ZNF143: variants seen among roughly 807,000 people sequenced by gnomAD.
The protein encoded by ZNF143 is SPH-binding factor.
In ZNF143, 49 loss-of-function variants were observed where a neutral mutation model predicts 74.1. The ratio of observed to expected loss-of-function variants is 0.66; its 90% CI spans 0.53 to 0.84. ZNF143 has a LOEUF of 0.84. Ranked by LOEUF, ZNF143 falls within the 40% of genes least tolerant of loss-of-function variation. The probability of loss-of-function intolerance (pLI) is 0.00; values close to 1 mark genes in which losing one functional copy is unlikely to be tolerated. For missense variants in ZNF143, 637 were observed against 793.4 expected (o/e 0.80, Z 2.37); for synonymous variants, 304 against 282.8 (o/e 1.07, Z -0.75).
chr11:9,523,109 A>G (rs542554168), intron 14 of ZNF143, among the ~76,000 whole-genome samples: 88 of 152,290 alleles, frequency 5.8e-4, no homozygotes, highest in Non-Finnish European at 1.1e-3. Context: ...GACCTTGTGG[A>G]TGACACATTA....
At chr11:9,473,825 C>A in intron 3 of ZNF143, 116 bp from the exon 4 acceptor site, 1 of 1,593,504 alleles carries the variant, frequency 6.3e-7, no homozygotes. Context: ...AGGGAAGAAT[C>A]AAGATGAACA....
intron 7 of ZNF143, among the ~76,000 whole-genome samples, chr11:9,491,452 C>T (rs1359198463): frequency 6.6e-6 from 1 of 151,956 alleles, no homozygotes; most frequent in African/African-American, 2.4e-5. Context: ...CTGGCTAACA[C>T]GGTGAAACCC....
chr11:9,512,650 G>A lies in ZNF143; in HGVS notation c.1524+54G>A, dbSNP rs569080041. ...TAAATCTTTCTGTGAACCTGGGCTTGAAAGGCAGGCTGGGTCCCCATTGAG... is the reference window on the plus strand; with the variant it reads ...TAAATCTTTCTGTGAACCTGGGCTTAAAAGGCAGGCTGGGTCCCCATTGAG... On this transcript the variant is annotated intron_variant, in intron 13 of 15. Coordinates refer to ENST00000396602, the MANE Select transcript of ZNF143 (RefSeq NM_003442.6). 6.2e-6 allele frequency: 10 copies of A among 1,604,632 alleles called. No homozygotes were observed. In the African/African-American group the frequency reaches 1.3e-4, roughly 21 times the overall value.
intron 15 of ZNF143, 118 bp downstream of exon 15, chr11:9,525,504 C>T: frequency 7.5e-7 from 1 of 1,327,970 alleles, no homozygotes; most frequent in Non-Finnish European, 1.1e-6. Context: ...TAATCTCTAT[C>T]ACCTAGCCTA....
chr11:9,483,739 C>T lies in ZNF143; in HGVS notation c.645+4193C>T, dbSNP rs559671012. Among the ~76,000 whole-genome samples, 27 of 149,386 alleles carry T rather than the reference C, an allele frequency of 1.8e-4. 1 individual carries two copies. Among genetic ancestry groups the T allele is most frequent in the East Asian group, 1.2e-3 (6 of 5,106 alleles). The stretch of plus-strand genomic sequence containing the variant: ...GATTATAGGTGTGAACCAATTTGCC[C>T]GGCCGGAATTCTTTTTTTTTTTTTT... On this transcript the variant is annotated intron_variant, in intron 7 of 15. Coordinates refer to ENST00000396602, the MANE Select transcript of ZNF143 (RefSeq NM_003442.6).
At chr11:9,512,689 T>C (rs1432249588) in intron 13 of ZNF143, 93 bp downstream of exon 13, 2 of 1,513,974 alleles carry the variant, frequency 1.3e-6, no homozygotes, top group Non-Finnish European at 1.8e-6. Context: ...AGCTTTGAAA[T>C]ATCAGGGCAC....
Position 9,525,235 on chromosome 11 carries a change from T to A in ZNF143, c.1687-5T>A. 6.2e-7 allele frequency: 1 copy of A among 1,614,158 alleles called. No individual in the cohort carries two copies. Among genetic ancestry groups the A allele is most frequent in the Non-Finnish European group, 8.5e-7 (1 of 1,180,008 alleles). On this transcript the variant is annotated splice_region_variant and splice_polypyrimidine_tract_variant and intron_variant, in intron 14 of 15. Transcript: ENST00000396602. ...ATGTGTATGGTTTGTTTTGTTTTGCTTAAGGTTGCAATTGTAGCTCAAGAC... is the reference window on the plus strand; with the variant it reads ...ATGTGTATGGTTTGTTTTGTTTTGCATAAGGTTGCAATTGTAGCTCAAGAC...
At chr11:9,520,323 ATTTTTT>A (rs984661960) in intron 14 of ZNF143, among the ~76,000 whole-genome samples, 1 of 122,424 alleles carries the variant, frequency 8.2e-6, no homozygotes, top group Admixed American at 8.4e-5. Context: ...TGCCTGTCCA[ATTTTTT>A]TTTTTTTTTT....
chr11:9,496,256 G>T (rs1374130638), intron 8 of ZNF143, 47 bp from the exon 9 acceptor site: 1 of 1,563,800 alleles, frequency 6.4e-7, no homozygotes, highest in African/African-American at 1.4e-5. Flanking sequence ...CCATCTTCCT[G>T]AGGAATACGT....
At chr11:9,504,767 T>C (rs1248367778) in intron 11 of ZNF143, among the ~76,000 whole-genome samples, 3 of 114,858 alleles carry the variant, frequency 2.6e-5, no homozygotes, top group East Asian at 2.5e-4. Flanking sequence ...CTCCGCCTCC[T>C]GGGTTCAAGC....
intron 7 of ZNF143, among the ~76,000 whole-genome samples, chr11:9,481,218 T>A (rs1398909118): frequency 6.6e-6 from 1 of 152,038 alleles, no homozygotes; most frequent in African/African-American, 2.4e-5. Context: ...TGAGACTCCA[T>A]CTCTACAAAA....
At chr11:9,484,188 G>T (rs1362446999) in intron 7 of ZNF143, among the ~76,000 whole-genome samples, 1 of 150,940 alleles carries the variant, frequency 6.6e-6, no homozygotes, top group African/African-American at 2.5e-5. Flanking sequence ...CCTAGTACTT[G>T]GTTTTTTGTG....
Position 9,472,822 on chromosome 11 carries a change from G to A in ZNF143, c.205+53G>A, listed in dbSNP as rs147344964. 352 of 1,372,642 alleles carry A rather than the reference G, an allele frequency of 2.6e-4. No homozygotes were observed. The African/African-American group carries it at 4.2e-3, about 17-fold the overall frequency. The allele number at this position is 1,372,642 out of a possible 1,614,324, so 85.0% of individuals were successfully genotyped here. On this transcript the variant is annotated intron_variant, in intron 3 of 15. Transcript: ENST00000396602. ...TTAATACCAGTGATTTATAACCTGT[G>A]AGTTGGAGCACCTAGAAGCTATACC...
At position 9,504,782 on chromosome 11, in the gene ZNF143, C is replaced by T. The variant is rs1240951862; in HGVS notation, c.1147+3512C>T. Among the ~76,000 whole-genome samples the T allele has an allele frequency of 2.6e-4, 30 of 114,174 alleles. 6 individuals carry two copies. Among genetic ancestry groups the T allele is most frequent in the Non-Finnish European group, 4.0e-4 (20 of 49,538 alleles). 74.9% of individuals were successfully genotyped at this position (114,174 alleles called of 152,430 possible). ...CTCCGCCTCCTGGGTTCAAGCGATTCTCCTGCCTCAGCCTCCTGAGTAGCT... is the reference window on the plus strand; with the variant it reads ...CTCCGCCTCCTGGGTTCAAGCGATTTTCCTGCCTCAGCCTCCTGAGTAGCT... On this transcript the variant is annotated intron_variant, in intron 11 of 15. Coordinates refer to ENST00000396602, the MANE Select transcript of ZNF143 (RefSeq NM_003442.6).
chr11:9,461,155 C>T, intron 1 of ZNF143, 79 bp downstream of exon 1: 6 of 905,128 alleles, frequency 6.6e-6, no homozygotes, highest in Non-Finnish European at 7.9e-6. Context: ...GGCGCGGGCC[C>T]GCTTGGGCCC....
At chr11:9,498,030 C>T (rs923077008) in intron 10 of ZNF143, among the ~76,000 whole-genome samples, 3 of 152,068 alleles carry the variant, frequency 2.0e-5, no homozygotes, top group African/African-American at 7.2e-5. Flanking sequence ...CGGGGTTTCA[C>T]TGTGTTAGCC....
In ZNF143 at chr11:9,472,621, A is replaced by C. The variant is rs918940224; in HGVS notation, c.113-56A>C. 4.4e-5 allele frequency: 63 copies of C among 1,437,894 alleles called. No individual in the cohort carries two copies. In the African/African-American group the frequency reaches 8.7e-4, roughly 20 times the overall value. The allele number at this position is 1,437,894 out of a possible 1,614,324, so 89.1% of individuals were successfully genotyped here. On this transcript the variant is annotated intron_variant, in intron 2 of 15. Coordinates refer to ENST00000396602, the MANE Select transcript of ZNF143 (RefSeq NM_003442.6). ...CTGATCTTTATTTGAAAAAAAAATT[A>C]ATCAGCATGTCCATATGCTAGCTGT...
chr11:9,494,662 A>T lies in ZNF143; in HGVS notation c.662A>T (p.His221Leu). The T allele has an allele frequency of 6.2e-7, 1 of 1,613,884 alleles. No individual in the cohort carries two copies. Among genetic ancestry groups the T allele is most frequent in the Non-Finnish European group, 8.5e-7 (1 of 1,179,792 alleles). The change falls in exon 8 of 16, where the codon CAT becomes CTT. Residue 221 changes from histidine to leucine, a missense_variant. His to Leu is a moderately conservative substitution (Grantham distance 99). Around this residue, in one of 2 missense-constraint regions of ZNF143, gnomAD observed 293 missense variants for 307.8 expected, o/e 0.95. Transcript: ENST00000396602. ...EKKMQIVLQG[H>L]ATRVTAKSQQ... ...TTTATTTAGATTGTTTTACAAGGAC[A>T]TGCTACAAGAGTAACTGCTAAATCT...
chr11:9,500,210 G>A (rs1848108881), intron 10 of ZNF143, among the ~76,000 whole-genome samples: 1 of 152,040 alleles, frequency 6.6e-6, no homozygotes, highest in African/African-American at 2.4e-5. Context: ...GCCTCTCAAA[G>A]TGCTGGGATT....
Sources: gnomAD v4.1 joint callset for allele counts (sites outside exome capture counted in the v4.1 genomes callset) on GRCh38, gnomAD v4.1.1 for gene constraint, gnomAD v4.1.1 regional missense constraint, MANE v1.5 for transcripts, NCBI Gene and HGNC (gene_info 2026-07-23, HGNC 2026-07-21) for gene names.